The following RABGAP1L variants were observed in gnomAD, a reference collection of about 807,000 sequenced individuals.
RABGAP1L encodes the protein rab GTPase-activating protein 1-like.
A neutral mutation model predicts 137.7 loss-of-function variants in RABGAP1L; 63 were observed. The ratio of observed to expected loss-of-function variants is 0.46; its 90% confidence interval spans 0.37 to 0.56. RABGAP1L has a LOEUF of 0.56. RABGAP1L is among the 20% of genes least tolerant of loss of function. The probability of loss-of-function intolerance (pLI) is 0.00; values close to 1 mark genes in which losing one functional copy is unlikely to be tolerated. For synonymous variants in RABGAP1L, 431 were observed against 433.7 expected, an observed-to-expected ratio of 0.99 and a Z score of 0.08; for missense variants, 1,095 against 1,244.0, an observed-to-expected ratio of 0.88 and a Z score of 1.80.
chr1:174,888,829 C>T (rs949968234), intron 19 of RABGAP1L, among the ~76,000 whole-genome samples: 4 of 151,960 alleles, frequency 2.6e-5, no homozygotes, highest in African/African-American at 7.3e-5. Context: ...GTATTTCCAG[C>T]CCAGCATTGT....
intron 13 of RABGAP1L, among the ~76,000 whole-genome samples, chr1:174,616,786 A>T (rs936298713): frequency 2.0e-5 from 3 of 152,214 alleles, no homozygotes; most frequent in African/African-American, 2.4e-5. Flanking sequence ...GTTCTGTTAG[A>T]CCAGTAATTC....
At chr1:174,334,680 A>T (rs1373987557) in intron 11 of RABGAP1L, among the ~76,000 whole-genome samples, 1 of 152,128 alleles carries the variant, frequency 6.6e-6, no homozygotes, top group Non-Finnish European at 1.5e-5. Flanking sequence ...TCCACCAAAT[A>T]GGCACATGGT....
intron 11 of RABGAP1L, among the ~76,000 whole-genome samples, chr1:174,348,088 C>G (rs1682619441): frequency 6.6e-6 from 1 of 151,686 alleles, no homozygotes; most frequent in Non-Finnish European, 1.5e-5. Flanking sequence ...CTCTTTCTTC[C>G]TATCTTCCTT....
chr1:174,719,661 T>C (rs1681326939), intron 17 of RABGAP1L, among the ~76,000 whole-genome samples: 1 of 152,194 alleles, frequency 6.6e-6, no homozygotes, highest in Non-Finnish European at 1.5e-5. Context: ...GATGGAGTAT[T>C]GAGGACTGGG....
At chr1:174,424,558 G>T (rs1017574630) in intron 13 of RABGAP1L, among the ~76,000 whole-genome samples, 1 of 152,014 alleles carries the variant, frequency 6.6e-6, no homozygotes, top group African/African-American at 2.4e-5. Flanking sequence ...AAGTTTGGCA[G>T]CAGTTGGCTT....
In RABGAP1L at chr1:174,231,270, C is replaced by T. The variant is rs1558052268; in HGVS notation, c.457C>T (p.Arg153Trp). 3.1e-6 allele frequency: 5 copies of T among 1,614,092 alleles called. No homozygotes were observed. Among genetic ancestry groups the T allele is most frequent in the Non-Finnish European group, 3.4e-6 (4 of 1,179,982 alleles). ...CCCACGTAATGAAGTAGAGGCTTTA[C>T]GGGCAATGGCAACCATGAAATCTTC... ...SSPRNEVEAL[R>W]AMATMKSSSQ... The change falls in exon 4 of 26, where the codon CGG (arginine) becomes TGG (tryptophan). Residue 153 changes from arginine to tryptophan, a missense_variant. By Grantham distance (101) the Arg-to-Trp change is moderately radical. This residue lies in a region of RABGAP1L where 356 missense variants were observed against 326.3 expected (regional missense o/e 1.09). Transcript: ENST00000681986.
At chr1:174,662,992 C>T (rs1320249870) in intron 14 of RABGAP1L, among the ~76,000 whole-genome samples, 1 of 152,058 alleles carries the variant, frequency 6.6e-6, no homozygotes, top group Non-Finnish European at 1.5e-5. Context: ...AGTATTATTA[C>T]AAAAGTTAAC....
intron 12 of RABGAP1L, among the ~76,000 whole-genome samples, chr1:174,378,356 G>A (rs1375054893): frequency 7.3e-5 from 11 of 150,624 alleles, no homozygotes; most frequent in African/African-American, 9.7e-5. Flanking sequence ...CTGAGGAATC[G>A]CCACACTGAC....
At chr1:174,249,288 G>T (rs1672521301) in intron 5 of RABGAP1L, among the ~76,000 whole-genome samples, 1 of 152,118 alleles carries the variant, frequency 6.6e-6, no homozygotes, top group African/African-American at 2.4e-5. Flanking sequence ...AGCTCTTTAT[G>T]TTACTGACTG....
chr1:174,481,896 A>G (rs1167219038), intron 13 of RABGAP1L, among the ~76,000 whole-genome samples: 2 of 150,288 alleles, frequency 1.3e-5, no homozygotes, highest in Admixed American at 6.6e-5. Flanking sequence ...AAAAAAAGAA[A>G]AAAAAAGAAA....
intron 15 of RABGAP1L, among the ~76,000 whole-genome samples, chr1:174,688,580 A>G (rs564170799): frequency 7.2e-5 from 11 of 152,218 alleles, no homozygotes; most frequent in African/African-American, 2.4e-4. Flanking sequence ...AAATTTACGC[A>G]CTTGTACATC....
chr1:174,887,173 G>A lies in RABGAP1L; in HGVS notation c.2341-70284G>A, dbSNP rs1368538227. 2.0e-5 allele frequency among the ~76,000 whole-genome samples: 3 copies of A among 152,294 alleles called. No homozygotes were observed. The East Asian group carries it at 5.8e-4, about 29-fold the overall frequency. On this transcript the variant is annotated intron_variant, in intron 19 of 25. Transcript: ENST00000681986. ...AAAAGGCCACTTCCAACATCCTGGA[G>A]AAGAAAAGGGTACTCCACAATAGGA...
chr1:174,332,305 AT>A (rs1265456690), intron 11 of RABGAP1L, among the ~76,000 whole-genome samples: 3 of 152,146 alleles, frequency 2.0e-5, no homozygotes, highest in Non-Finnish European at 4.4e-5. Context: ...TGTTTTTTAT[AT>A]TGCTTATAAG....
At chr1:174,469,828 G>GTTCC (rs1657712112) in intron 13 of RABGAP1L, among the ~76,000 whole-genome samples, 2 of 152,214 alleles carry the variant, frequency 1.3e-5, no homozygotes, top group South Asian at 4.1e-4. Flanking sequence ...CTCAGTTCCA[G>GTTCC]TTCCTGACAA....
chr1:174,980,626 C>T (rs1187124395), intron 23 of RABGAP1L, among the ~76,000 whole-genome samples: 4 of 152,058 alleles, frequency 2.6e-5, no homozygotes, highest in Admixed American at 6.6e-5. Context: ...TAAGAGATTC[C>T]GGTACAAAAG....
intron 4 of RABGAP1L, among the ~76,000 whole-genome samples, chr1:174,240,306 G>T (rs1671691485): frequency 6.6e-6 from 1 of 152,156 alleles, no homozygotes; most frequent in African/African-American, 2.4e-5. Context: ...GAGTGCAGTG[G>T]CACGATCTTG....
intron 13 of RABGAP1L, among the ~76,000 whole-genome samples, chr1:174,538,547 A>G (rs377652530): frequency 1.9e-4 from 29 of 152,178 alleles, no homozygotes; most frequent in East Asian, 3.8e-4. Context: ...TACTCTTTCA[A>G]TGCTACCATG....
chr1:174,483,056 C>T (rs1181401829), intron 13 of RABGAP1L, among the ~76,000 whole-genome samples: 1 of 152,070 alleles, frequency 6.6e-6, no homozygotes, highest in Non-Finnish European at 1.5e-5. Flanking sequence ...TTGATATATG[C>T]ATGCAATATG....
chr1:174,291,258 A>C (rs567758025), intron 10 of RABGAP1L, among the ~76,000 whole-genome samples: 3 of 142,438 alleles, frequency 2.1e-5, no homozygotes, highest in Non-Finnish European at 4.5e-5. Flanking sequence ...CAATATATTG[A>C]ATTACATTGA....
Sources: allele counts gnomAD v4.1 joint callset (sites outside exome capture counted in the v4.1 genomes callset), GRCh38; gene constraint gnomAD v4.1.1; regional missense constraint gnomAD v4.1.1; transcripts MANE v1.5; gene names NCBI Gene and HGNC (gene_info 2026-07-23, HGNC 2026-07-21).